Variants in PDE8B observed in about 807,000 individuals in gnomAD.
The protein encoded by PDE8B is phosphodiesterase 8B.
Under a neutral mutation model 101.3 loss-of-function variants are expected in PDE8B, and 26 were observed. The observed-to-expected ratio is 0.26, with a 90% confidence interval of 0.19 to 0.36. The LOEUF (loss-of-function observed/expected upper bound fraction) is 0.36. Among genes scored for constraint, PDE8B ranks in the 10% least tolerant of loss-of-function variants. The pLI is 1.00. For synonymous variants in PDE8B, 424 were observed against 429.3 expected (o/e 0.99, Z 0.15); for missense variants, 810 against 1,163.1 (o/e 0.70, Z 4.42).
chr5:77,171,605 C>T, the PDE8B span, among the ~76,000 whole-genome samples: 2 of 152,114 alleles, frequency 1.3e-5, no homozygotes, highest in Non-Finnish European at 2.9e-5. Flanking sequence ...CTGGAGGTTG[C>T]AAGAGATGGG....
At chr5:77,256,928 T>C (rs1481740766) in intron 1 of PDE8B, among the ~76,000 whole-genome samples, 3 of 152,238 alleles carry the variant, frequency 2.0e-5, no homozygotes, top group South Asian at 2.1e-4. Flanking sequence ...TTAGCTCTGT[T>C]ATTCAATTTA....
At chr5:77,390,290 A>G (rs1158069314) in intron 10 of PDE8B, among the ~76,000 whole-genome samples, 2 of 152,202 alleles carry the variant, frequency 1.3e-5, no homozygotes, top group Non-Finnish European at 2.9e-5. Flanking sequence ...ATTTGTGGCA[A>G]CTTATAATAT....
intron 10 of PDE8B, among the ~76,000 whole-genome samples, chr5:77,367,225 T>C (rs1784308720): frequency 6.6e-6 from 1 of 151,844 alleles, no homozygotes; most frequent in Non-Finnish European, 1.5e-5. Flanking sequence ...GAAGAGAAAC[T>C]TCCTCACTGT....
intron 10 of PDE8B, among the ~76,000 whole-genome samples, chr5:77,373,613 A>G (rs1296877847): frequency 6.6e-6 from 1 of 152,080 alleles, no homozygotes; most frequent in Non-Finnish European, 1.5e-5. Flanking sequence ...TTTTTGTGAC[A>G]TCTTTCACTA....
chr5:77,332,459 A>G (rs1361019818), intron 5 of PDE8B, among the ~76,000 whole-genome samples: 3 of 152,200 alleles, frequency 2.0e-5, no homozygotes, highest in East Asian at 1.9e-4. Context: ...CAACTTGAAG[A>G]TTAAGATTGG....
chr5:77,199,005 G>A, the PDE8B span, among the ~76,000 whole-genome samples: 1 of 152,260 alleles, frequency 6.6e-6, no homozygotes, highest in Non-Finnish European at 1.5e-5. Flanking sequence ...TTCAAATAGG[G>A]CTAATGTGAC....
the PDE8B span, among the ~76,000 whole-genome samples, chr5:77,091,168 A>C: frequency 6.6e-6 from 1 of 152,220 alleles, no homozygotes; most frequent in African/African-American, 2.4e-5. Flanking sequence ...AGTGATGTCG[A>C]GTAGAAGAGA....
chr5:77,363,188 C>A (rs1188585361), intron 10 of PDE8B, among the ~76,000 whole-genome samples: 2 of 152,214 alleles, frequency 1.3e-5, no homozygotes, highest in East Asian at 3.8e-4. Context: ...CCCCTTTCTA[C>A]AGATGAGGAA....
chr5:77,423,859 A>G (rs779250090), intron 20 of PDE8B, among the ~76,000 whole-genome samples: 13 of 151,646 alleles, frequency 8.6e-5, no homozygotes, highest in Non-Finnish European at 1.9e-4. Flanking sequence ...CTGGTCTCGA[A>G]TTCCTGAGCT....
chr5:77,092,063 A>G, the PDE8B span, among the ~76,000 whole-genome samples: 3 of 152,240 alleles, frequency 2.0e-5, no homozygotes, highest in Non-Finnish European at 4.4e-5. Context: ...GAATGGCTAC[A>G]TATTTTTGAA....
At chr5:77,308,043 T>A in intron 1 of PDE8B, among the ~76,000 whole-genome samples, 1 of 152,182 alleles carries the variant, frequency 6.6e-6, no homozygotes, top group Admixed American at 6.5e-5. Context: ...ATAGTTGCTG[T>A]TTTATAAATT....
rs901053713 is a variant in PDE8B at position 77,211,234 on chromosome 5, C to G, written c.309C>G (p.Ala103=). The G allele has an allele frequency of 2.5e-6, 4 of 1,574,540 alleles. No individual in the cohort carries two copies. The highest frequency in any genetic ancestry group is 3.4e-6 in the Non-Finnish European group (4 of 1,168,732). ...RRRHCCSSAE[A]ETQTCYTSVK... ...GCCACTGCTGCAGCAGCGCCGAGGC[C>G]GAGACTCAGACCTGCTACACCAGCG... The change falls in exon 1 of 22, where the codon GCC becomes GCG. Residue 103 remains alanine (A), a synonymous_variant. Coordinates refer to ENST00000264917, the MANE Select transcript of PDE8B (RefSeq NM_003719.5). This position sits in a 1 kb window ranked among gnomAD's most constrained non-coding sequence, Gnocchi z 4.1.
At chr5:77,324,778 G>T (rs1245540711) in intron 2 of PDE8B, among the ~76,000 whole-genome samples, 1 of 152,142 alleles carries the variant, frequency 6.6e-6, no homozygotes, top group Non-Finnish European at 1.5e-5. Context: ...GGACTTAAAG[G>T]CAAATACCAC....
upstream of PDE8B, among the ~76,000 whole-genome samples, chr5:77,209,985 G>C (rs1747898488): frequency 6.6e-6 from 1 of 152,278 alleles, no homozygotes. Context: ...CTCAGCCTTC[G>C]GAGTAGGCGG....
At chr5:77,398,536 G>A (rs1581478713) in intron 10 of PDE8B, among the ~76,000 whole-genome samples, 2 of 152,198 alleles carry the variant, frequency 1.3e-5, no homozygotes, top group East Asian at 1.9e-4. Flanking sequence ...TGGCTAGGCT[G>A]GTCTTGAACT....
At chr5:77,362,493 A>G (rs1236539826) in intron 10 of PDE8B, among the ~76,000 whole-genome samples, 1 of 152,166 alleles carries the variant, frequency 6.6e-6, no homozygotes, top group Non-Finnish European at 1.5e-5. Context: ...TCCGCTTTAT[A>G]TCAGTAAAAT....
chr5:77,125,476 G>T, the PDE8B span, among the ~76,000 whole-genome samples: 5,209 of 152,218 alleles, frequency 0.034, 300 homozygotes, highest in African/African-American at 0.12. Flanking sequence ...TGCCCCCAAA[G>T]AATTAAAAGC....
chr5:77,237,589 C>T (rs1336464952), intron 1 of PDE8B, among the ~76,000 whole-genome samples: 3 of 152,016 alleles, frequency 2.0e-5, no homozygotes, highest in African/African-American at 7.2e-5. Context: ...CTCCATTAGG[C>T]CATGTCATAA....
intron 7 of PDE8B, among the ~76,000 whole-genome samples, chr5:77,346,005 T>A (rs1019747796): frequency 1.3e-5 from 2 of 152,166 alleles, no homozygotes; most frequent in African/African-American, 4.8e-5. Context: ...TTCTATTCAA[T>A]AAGGGTAGGC....
Sources: gnomAD v4.1 joint callset for allele counts (sites outside exome capture counted in the v4.1 genomes callset) on GRCh38, gnomAD v4.1.1 for gene constraint, Gnocchi (gnomAD v3.1) non-coding constraint, MANE v1.5 for transcripts, NCBI Gene and HGNC (gene_info 2026-07-23, HGNC 2026-07-21) for gene names.